CNTLN: variants seen among roughly 807,000 people sequenced by gnomAD.
CNTLN encodes centlein, also known as centlein, centrosomal protein.
CNTLN carries 212 observed loss-of-function variants against 180.0 expected under a neutral mutation model. The ratio of observed to expected loss-of-function variants is 1.18; its 90% CI spans 1.05 to 1.32. The LOEUF (loss-of-function observed/expected upper bound fraction) is 1.32. Ranked by LOEUF, CNTLN falls within the 40% of genes most tolerant of loss-of-function variation. The pLI is 0.00. For synonymous variants in CNTLN, 722 were observed against 563.1 expected (o/e 1.28, Z -3.99); for missense variants, 2,095 against 1,610.9 (o/e 1.30, Z -5.14).
At position 17,494,382 on chromosome 9, in the gene CNTLN, A is replaced by G. The variant is rs1474666304; in HGVS notation, c.4119+7316A>G. 2.6e-5 allele frequency among the ~76,000 whole-genome samples: 4 copies of G among 152,164 alleles called. No homozygotes were observed. In the South Asian group the frequency reaches 8.3e-4, roughly 32 times the overall value. ...GAAAATTTTTTTTTAATTAACTTTT[A>G]TTTTAGGTTTAGGACTACATGTGCA... On this transcript the variant is annotated intron_variant, in intron 25 of 25. Coordinates refer to ENST00000380647, the MANE Select transcript of CNTLN (RefSeq NM_017738.4).
At chr9:17,203,606 G>C (rs1266115737) in intron 2 of CNTLN, among the ~76,000 whole-genome samples, 2 of 152,118 alleles carry the variant, frequency 1.3e-5, no homozygotes, top group Non-Finnish European at 2.9e-5. Context: ...GCCAAGGCTG[G>C]AGTGCAGTGG....
chr9:17,141,590 C>T (rs1428638267), intron 1 of CNTLN, among the ~76,000 whole-genome samples: 1 of 151,976 alleles, frequency 6.6e-6, no homozygotes, highest in Non-Finnish European at 1.5e-5. Context: ...GGATTAGTTT[C>T]CTAATTTAAT....
In CNTLN at chr9:17,486,944, C is replaced by T. The variant is rs751375528; in HGVS notation, c.4042-45C>T. On this transcript the variant is annotated intron_variant, in intron 24 of 25. Transcript: ENST00000380647. ...CAGTATCTAATAGTATAAACAAGTT[C>T]ATATAAATTTCGTTAACACCAGTGT... The T allele has an allele frequency of 8.8e-6, 8 of 907,958 alleles. No homozygotes were observed. In the Admixed American group the frequency reaches 1.4e-4, roughly 16 times the overall value. 56.2% of individuals were successfully genotyped at this position (907,958 alleles called of 1,614,324 possible).
At chr9:17,147,911 G>C (rs966906152) in intron 2 of CNTLN, among the ~76,000 whole-genome samples, 2 of 152,182 alleles carry the variant, frequency 1.3e-5, no homozygotes, top group African/African-American at 2.4e-5. Flanking sequence ...CTAGTGAATA[G>C]AGGCTGAGAT....
intron 23 of CNTLN, among the ~76,000 whole-genome samples, chr9:17,476,727 A>G (rs1321414353): frequency 1.3e-5 from 2 of 152,208 alleles, no homozygotes; most frequent in Non-Finnish European, 2.9e-5. Flanking sequence ...AAGCAGCAGA[A>G]AACTTTGAAG....
chr9:17,460,902 A>G (rs1831408156), intron 19 of CNTLN, among the ~76,000 whole-genome samples: 1 of 151,706 alleles, frequency 6.6e-6, no homozygotes, highest in South Asian at 2.1e-4. Context: ...GCAGCACACT[A>G]GAAGTATGCG....
chr9:17,147,697 C>T (rs891016239), intron 2 of CNTLN, among the ~76,000 whole-genome samples: 9 of 152,064 alleles, frequency 5.9e-5, no homozygotes, highest in Non-Finnish European at 1.2e-4. Flanking sequence ...GTGTTGTTAG[C>T]TCATCCCCTC....
chr9:17,395,932 A>C (rs1826482286), intron 15 of CNTLN, among the ~76,000 whole-genome samples: 1 of 152,198 alleles, frequency 6.6e-6, no homozygotes, highest in African/African-American at 2.4e-5. Flanking sequence ...ATGAGATAGG[A>C]GGTCAGTACA....
intron 12 of CNTLN, among the ~76,000 whole-genome samples, chr9:17,347,089 T>C (rs905568218): frequency 9.2e-5 from 14 of 152,316 alleles, no homozygotes; most frequent in Non-Finnish European, 1.9e-4. Context: ...AATTGTTTAT[T>C]TGCTTAGAGT....
chr9:17,261,437 T>C (rs1409557945), intron 5 of CNTLN, among the ~76,000 whole-genome samples: 4 of 151,510 alleles, frequency 2.6e-5, no homozygotes, highest in Non-Finnish European at 5.9e-5. Context: ...TTTGTGGCTA[T>C]TGTAAATGGG....
intron 18 of CNTLN, chr9:17,444,080 A>C (rs1434552608): frequency 6.6e-6 from 1 of 152,144 alleles, no homozygotes; most frequent in Non-Finnish European, 1.5e-5. Context: ...TAACATAAGA[A>C]AAAAAACACA....
chr9:17,322,829 C>A (rs1381622338), intron 8 of CNTLN, among the ~76,000 whole-genome samples: 1 of 152,102 alleles, frequency 6.6e-6, no homozygotes, highest in Non-Finnish European at 1.5e-5. Flanking sequence ...TTTATGCTTT[C>A]ATACATGAAA....
chr9:17,414,848 T>C (rs981736542), intron 16 of CNTLN, among the ~76,000 whole-genome samples: 2 of 152,162 alleles, frequency 1.3e-5, no homozygotes, highest in Non-Finnish European at 2.9e-5. Context: ...CCAACACTTT[T>C]GGAGGCCGAG....
chr9:17,389,842 T>C (rs1452951882), intron 14 of CNTLN, among the ~76,000 whole-genome samples: 1 of 152,188 alleles, frequency 6.6e-6, no homozygotes, highest in South Asian at 2.1e-4. Flanking sequence ...TCCTAAGCTG[T>C]ATTATCTCAG....
chr9:17,351,254 G>C (rs192228467), intron 12 of CNTLN, among the ~76,000 whole-genome samples: 1 of 152,178 alleles, frequency 6.6e-6, no homozygotes. Context: ...GGCGTTCTCT[G>C]TACTTCATTT....
chr9:17,467,469 C>G (rs773248193), intron 23 of CNTLN, among the ~76,000 whole-genome samples: 2 of 151,540 alleles, frequency 1.3e-5, no homozygotes, highest in Non-Finnish European at 3.0e-5. Context: ...GAGTACTCCA[C>G]GAAGAGGAAA....
chr9:17,210,675 A>G (rs1823237634), intron 2 of CNTLN, among the ~76,000 whole-genome samples: 1 of 152,234 alleles, frequency 6.6e-6, no homozygotes, highest in African/African-American at 2.4e-5. Context: ...CAGTCCCACC[A>G]ATAGTGTAAA....
At chr9:17,169,297 C>G (rs1820281008) in intron 2 of CNTLN, among the ~76,000 whole-genome samples, 1 of 152,124 alleles carries the variant, frequency 6.6e-6, no homozygotes, top group Non-Finnish European at 1.5e-5. Context: ...CACACTTGGC[C>G]TTAGAATCTT....
At chr9:17,356,948 A>G (rs1367384276) in intron 12 of CNTLN, among the ~76,000 whole-genome samples, 1 of 152,004 alleles carries the variant, frequency 6.6e-6, no homozygotes, top group Non-Finnish European at 1.5e-5. Flanking sequence ...TTGCTGTACA[A>G]TTAGCCTACA....
Sources: gnomAD v4.1 joint callset for allele counts (sites outside exome capture counted in the v4.1 genomes callset) on GRCh38, gnomAD v4.1.1 for gene constraint, MANE v1.5 for transcripts, NCBI Gene and HGNC (gene_info 2026-07-23, HGNC 2026-07-21) for gene names.